EIF3H: variants seen among roughly 807,000 people sequenced by gnomAD.
EIF3H encodes eIF-3-gamma.
EIF3H carries 26 observed loss-of-function variants against 44.2 expected under a neutral mutation model. The ratio of observed to expected loss-of-function variants is 0.59; its 90% confidence interval spans 0.43 to 0.82. The LOEUF is 0.82. EIF3H is among the 40% of genes least tolerant of loss of function. EIF3H has a pLI of 0.00. For synonymous variants in EIF3H, 166 were observed against 151.9 expected, an observed-to-expected ratio of 1.09 and a Z score of -0.68; for missense variants, 359 against 432.8, an observed-to-expected ratio of 0.83 and a Z score of 1.51.
chr8:116,658,535 C>T, intron 3 of EIF3H: 1 of 322,524 alleles, frequency 3.1e-6, no homozygotes, highest in Non-Finnish European at 5.7e-6. Flanking sequence ...GGTCTAGTTC[C>T]ACCAGCCCCT....
chr8:116,718,571 C>T (rs541076725), intron 2 of EIF3H, among the ~76,000 whole-genome samples: 9 of 152,092 alleles, frequency 5.9e-5, no homozygotes, highest in Non-Finnish European at 1.2e-4. Flanking sequence ...ATGGCATTTG[C>T]AGCAACCTGG....
chr8:116,699,412 G>A (rs1045137759), intron 2 of EIF3H, among the ~76,000 whole-genome samples: 2 of 152,134 alleles, frequency 1.3e-5, no homozygotes, highest in African/African-American at 4.8e-5. Flanking sequence ...CATGAACACT[G>A]ATGCATGCCA....
At chr8:116,716,444 T>C (rs1474532845) in intron 2 of EIF3H, among the ~76,000 whole-genome samples, 1 of 152,146 alleles carries the variant, frequency 6.6e-6, no homozygotes, top group East Asian at 1.9e-4. Flanking sequence ...AAACATCCTA[T>C]AGTGTATTTT....
At chr8:116,694,565 T>C (rs1423368568) in intron 2 of EIF3H, among the ~76,000 whole-genome samples, 3 of 152,214 alleles carry the variant, frequency 2.0e-5, no homozygotes, top group Non-Finnish European at 4.4e-5. Context: ...TACAGATTTG[T>C]TTTACTTTTA....
intron 1 of EIF3H, 119 bp from the exon 2 acceptor site, chr8:116,726,291 G>A (rs980893024): frequency 1.9e-6 from 2 of 1,066,528 alleles, no homozygotes; most frequent in Non-Finnish European, 2.6e-6. Flanking sequence ...TTAAATAAGA[G>A]GAATAAATAA....
intron 1 of EIF3H, among the ~76,000 whole-genome samples, chr8:116,740,854 C>T (rs1043937747): frequency 1.6e-4 from 25 of 152,088 alleles, no homozygotes; most frequent in African/African-American, 1.4e-4. Context: ...GCCAGCCCTG[C>T]GGCCTTAGGC....
chr8:116,742,042 G>T (rs1456317268), intron 1 of EIF3H, among the ~76,000 whole-genome samples: 1 of 151,630 alleles, frequency 6.6e-6, no homozygotes, highest in Non-Finnish European at 1.5e-5. Context: ...TTAAATCACT[G>T]CTGTTAAGTT....
intron 2 of EIF3H, among the ~76,000 whole-genome samples, chr8:116,717,284 T>C (rs1814673276): frequency 6.6e-6 from 1 of 152,166 alleles, no homozygotes; most frequent in Admixed American, 6.5e-5. Context: ...GCCATGCTCA[T>C]GTATGGGTAG....
chr8:116,745,512 G>A (rs142255434), intron 1 of EIF3H, among the ~76,000 whole-genome samples: 255 of 152,250 alleles, frequency 1.7e-3, no homozygotes, highest in African/African-American at 5.9e-3. Flanking sequence ...TATATGTCAC[G>A]AACACAGTAA....
At position 116,644,846 on chromosome 8, in the gene EIF3H, T is replaced by C; in HGVS notation, c.*160A>G. ...TGAGCAAGCAGTCAAGATTTTGTTT[T>C]ATTTTATTATGGCTAGAAAGACACT... On this transcript the variant is annotated 3_prime_UTR_variant, in exon 8 of 8. Transcript: ENST00000521861. 2 of 559,068 alleles carry C rather than the reference T, an allele frequency of 3.6e-6. No homozygotes were observed. Among genetic ancestry groups the C allele is most frequent in the Non-Finnish European group, 6.4e-6 (2 of 314,132 alleles). 34.6% of individuals were successfully genotyped at this position (559,068 alleles called of 1,614,324 possible). A position where few individuals can be genotyped will look rare whatever the true frequency, so the allele number is the denominator to read the frequency against.
At chr8:116,668,107 C>T (rs1813697657) in intron 2 of EIF3H, among the ~76,000 whole-genome samples, 1 of 152,228 alleles carries the variant, frequency 6.6e-6, no homozygotes, top group South Asian at 2.1e-4. Context: ...ACTTCTCCAA[C>T]ACTCGGGTTA....
In EIF3H at chr8:116,642,414, A is replaced by G. The variant is rs1274681212; in HGVS notation, c.*2592T>C. 1 of 152,162 alleles carries G rather than the reference A, an allele frequency of 6.6e-6. No individual in the cohort carries two copies. The highest frequency in any genetic ancestry group is 2.4e-5 in the African/African-American group (1 of 41,404). 9.4% of individuals were successfully genotyped at this position (152,162 alleles called of 1,614,324 possible). A position where few individuals can be genotyped will look rare whatever the true frequency, so the allele number is the denominator to read the frequency against. On this transcript the variant is annotated 3_prime_UTR_variant, in exon 8 of 8. Coordinates refer to ENST00000521861, the MANE Select transcript of EIF3H (RefSeq NM_003756.3). ...ACTACATCTCAATTTCCAAGCTTCC[A>G]AAAATAGGTAAAAAAATTATTTTAG...
At chr8:116,733,845 T>C (rs893738302) in intron 1 of EIF3H, among the ~76,000 whole-genome samples, 1 of 152,218 alleles carries the variant, frequency 6.6e-6, no homozygotes, top group African/African-American at 2.4e-5. Context: ...AAGGTAATTT[T>C]ATCAGAATAT....
intron 4 of EIF3H, among the ~76,000 whole-genome samples, chr8:116,656,404 A>G (rs1201170860): frequency 6.6e-6 from 1 of 152,234 alleles, no homozygotes; most frequent in Non-Finnish European, 1.5e-5. Context: ...TTCATTTAAA[A>G]AGCCTCTTGA....
chr8:116,728,887 T>C (rs948656810), intron 1 of EIF3H, among the ~76,000 whole-genome samples: 1 of 152,162 alleles, frequency 6.6e-6, no homozygotes, highest in African/African-American at 2.4e-5. Flanking sequence ...TGACACAGTA[T>C]AGAGTTCTCT....
chr8:116,740,142 A>G (rs1204007775), intron 1 of EIF3H, among the ~76,000 whole-genome samples: 1 of 152,212 alleles, frequency 6.6e-6, no homozygotes, highest in Non-Finnish European at 1.5e-5. Context: ...TTTGAATAGC[A>G]CTGGTTTACA....
intron 6 of EIF3H, among the ~76,000 whole-genome samples, chr8:116,648,272 G>T (rs1051607346): frequency 1.3e-5 from 2 of 152,144 alleles, no homozygotes; most frequent in Admixed American, 1.3e-4. Context: ...CAGGCAACAT[G>T]AATAAAGAAA....
At chr8:116,657,593 C>T in intron 3 of EIF3H, 1 of 399,430 alleles carries the variant, frequency 2.5e-6, no homozygotes, top group South Asian at 2.9e-5. Flanking sequence ...TCAGCAAGAA[C>T]TAGTAACCTT....
intron 1 of EIF3H, among the ~76,000 whole-genome samples, chr8:116,754,314 T>A (rs1215114600): frequency 6.6e-6 from 1 of 152,100 alleles, no homozygotes; most frequent in Non-Finnish European, 1.5e-5. Flanking sequence ...GGTTTCACCA[T>A]GTTGGTCAGG....
Sources: allele counts gnomAD v4.1 joint callset (sites outside exome capture counted in the v4.1 genomes callset), GRCh38; gene constraint gnomAD v4.1.1; transcripts MANE v1.5; gene names NCBI Gene and HGNC (gene_info 2026-07-23, HGNC 2026-07-21).